TPCN2: variants seen among roughly 807,000 people sequenced by gnomAD.
TPCN2 encodes two pore channel protein 2.
TPCN2 carries 92 observed loss-of-function variants against 111.4 expected under a neutral mutation model. The ratio of observed to expected loss-of-function variants is 0.83; its 90% CI spans 0.70 to 0.98. The LOEUF is 0.98. TPCN2 is among the 50% of genes least tolerant of loss of function. The pLI is 0.00. For missense variants in TPCN2, 995 were observed against 980.1 expected (o/e 1.02, Z -0.20); for synonymous variants, 405 against 414.5 (o/e 0.98, Z 0.28).
chr11:69,086,714 C>A (rs148902179), intron 23 of TPCN2, 110 bp downstream of exon 23: 10,904 of 1,056,234 alleles, frequency 0.01, 90 homozygotes, highest in Non-Finnish European at 0.012. Flanking sequence ...ATGGGAGAGT[C>A]GTGCTGGGTT....
At chr11:69,059,745 G>A (rs1383636271) in intron 5 of TPCN2, among the ~76,000 whole-genome samples, 1 of 152,262 alleles carries the variant, frequency 6.6e-6, no homozygotes, top group Non-Finnish European at 1.5e-5. Context: ...GGCGTTGGAG[G>A]CAGGGCAGGC....
At chr11:69,077,940 T>C (rs778583436) in intron 13 of TPCN2, among the ~76,000 whole-genome samples, 1 of 152,208 alleles carries the variant, frequency 6.6e-6, no homozygotes, top group Non-Finnish European at 1.5e-5. Context: ...GAGAAATGTT[T>C]AGGCCATTCC....
chr11:69,063,829 C>T, intron 6 of TPCN2, 66 bp from the exon 7 acceptor site: 1 of 1,520,730 alleles, frequency 6.6e-7, no homozygotes, highest in Non-Finnish European at 9.0e-7. Flanking sequence ...CCGAGCCCTG[C>T]AGGCAGGTCA....
At position 69,072,983 on chromosome 11, in the gene TPCN2, C is replaced by G. The variant is rs752680069; in HGVS notation, c.1212C>G (p.Asp404Glu). 10 of 1,613,770 alleles carry G rather than the reference C, an allele frequency of 6.2e-6. 1 individual carries two copies. The South Asian group carries it at 7.7e-5, about 12-fold the overall frequency. ...TTCAGAAGCTCTTCAACGAGCTTGA[C>G]AGAAGTGTGGTTAAAGAGGTAACTG... ...EEFQKLFNEL[D>E]RSVVKEHPPR... The change falls in exon 13 of 25, where the codon GAC becomes GAG. Residue 404 changes from aspartate (D) to glutamate (E), a missense_variant. By Grantham distance (45) the Asp-to-Glu change is conservative. Coordinates refer to ENST00000294309, the MANE Select transcript of TPCN2 (RefSeq NM_139075.4).
Position 69,078,434 on chromosome 11 carries a change from G to A in TPCN2, c.1231-48G>A, listed in dbSNP as rs551888169. 5.0e-6 allele frequency: 8 copies of A among 1,606,556 alleles called. No individual in the cohort carries two copies. The African/African-American group carries it at 9.4e-5, about 19-fold the overall frequency. ...GTGTGAGCATTTTTGGGCTGCAACA[G>A]CCACGGCTGCTGGCCTGTGCTTCTG... is the stretch of plus-strand genomic sequence containing the variant. On this transcript the variant is annotated intron_variant, in intron 13 of 24. Coordinates refer to ENST00000294309, the MANE Select transcript of TPCN2 (RefSeq NM_139075.4).
At chr11:69,079,154 G>C (rs1676191894) in intron 16 of TPCN2, 134 bp downstream of exon 16, 2 of 1,225,916 alleles carry the variant, frequency 1.6e-6, no homozygotes, top group Admixed American at 5.2e-5. Flanking sequence ...TCTCAGTGGT[G>C]AGGGCTGGCT....
intron 6 of TPCN2, 122 bp from the exon 7 acceptor site, chr11:69,063,773 G>A (rs1855129670): frequency 4.6e-6 from 4 of 877,890 alleles, no homozygotes; most frequent in African/African-American, 3.3e-5. Context: ...CCCAGCTGCT[G>A]CCTGGATCCA....
chr11:69,061,920 T>C (rs12274641), intron 5 of TPCN2, among the ~76,000 whole-genome samples: 70,279 of 151,526 alleles, frequency 0.46, 16,700 homozygotes, highest in Non-Finnish European at 0.52. Flanking sequence ...GATGGGGATA[T>C]CTGTGAGAGT....
chr11:69,074,534 C>T (rs1855671316), intron 13 of TPCN2, among the ~76,000 whole-genome samples: 1 of 151,916 alleles, frequency 6.6e-6, no homozygotes, highest in South Asian at 2.1e-4. Flanking sequence ...AAGCACCATT[C>T]TAGATAAAGG....
chr11:69,059,428 C>A (rs954609204), intron 5 of TPCN2, among the ~76,000 whole-genome samples: 1 of 152,228 alleles, frequency 6.6e-6, no homozygotes, highest in African/African-American at 2.4e-5. Context: ...GGAAAGCTGG[C>A]CATCCACCTG....
At chr11:69,059,701 G>C (rs1429255076) in intron 5 of TPCN2, among the ~76,000 whole-genome samples, 1 of 152,252 alleles carries the variant, frequency 6.6e-6, no homozygotes. Flanking sequence ...GTGCCCCACA[G>C]TTCATTCCCA....
At position 69,081,448 on chromosome 11, in the gene TPCN2, G is replaced by A. The variant is rs34510004; in HGVS notation, c.1638G>A (p.Met546Ile). 1.0e-3 allele frequency: 1,625 copies of A among 1,575,150 alleles called. 1 individual carries two copies. Among genetic ancestry groups the A allele is most frequent in the Non-Finnish European group, 1.3e-3 (1,516 of 1,160,270 alleles). ...GLLSLWDMTR[M>I]LNMLIVFRFL... ...TGTCGCTGTGGGACATGACCCGCATGCTGAACATGCTCATCGTGTTCCGCT... is the reference window on the plus strand; with the variant it reads ...TGTCGCTGTGGGACATGACCCGCATACTGAACATGCTCATCGTGTTCCGCT... The change falls in exon 18 of 25, where the codon ATG (methionine) becomes ATA (isoleucine). Residue 546 changes from methionine (M) to isoleucine (I), a missense_variant. Physicochemically the swap from Met to Ile is conservative, Grantham distance 10. Coordinates refer to ENST00000294309, the MANE Select transcript of TPCN2 (RefSeq NM_139075.4).
intron 8 of TPCN2, 144 bp downstream of exon 8, chr11:69,067,749 T>C: frequency 3.2e-6 from 2 of 629,982 alleles, no homozygotes; most frequent in Non-Finnish European, 5.4e-6. Context: ...ACATTTTCCT[T>C]CCTCCCCTTC....
At chr11:69,054,539 A>G (rs987192148) in intron 2 of TPCN2, 182 bp from the exon 3 acceptor site, 1 of 623,032 alleles carries the variant, frequency 1.6e-6, no homozygotes, top group Non-Finnish European at 2.9e-6. Flanking sequence ...TGTGTTGGGC[A>G]AACCTCGTGG....
chr11:69,079,875 C>G lies in TPCN2; in HGVS notation c.1581C>G (p.His527Gln). ...ISTLAVYRLPHPGWRPEMVGL... is the reference protein window; with the variant it reads ...ISTLAVYRLPQPGWRPEMVGL... ...CTCTGGCTGTGTACCGATTGCCACA[C>G]CCAGGCTGGTATGTGACTGGGCAGA... Residue 527 changes from histidine (H) to glutamine (Q), a missense_variant, in exon 17 of 25, where the codon CAC (histidine) becomes CAG (glutamine). By Grantham distance (24) the His-to-Gln change is conservative. Coordinates refer to ENST00000294309, the MANE Select transcript of TPCN2 (RefSeq NM_139075.4). 6.2e-7 allele frequency: 1 copy of G among 1,613,748 alleles called. No homozygotes were observed. Among genetic ancestry groups the G allele is most frequent in the Non-Finnish European group, 8.5e-7 (1 of 1,179,920 alleles).
intron 11 of TPCN2, 94 bp from the exon 12 acceptor site, chr11:69,072,533 G>A: frequency 1.5e-6 from 2 of 1,318,154 alleles, no homozygotes; most frequent in Non-Finnish European, 2.1e-6. Flanking sequence ...TCATGGCAAA[G>A]CTCAAGCCAG....
intron 18 of TPCN2, among the ~76,000 whole-genome samples, chr11:69,083,008 G>A (rs984960129): frequency 6.9e-6 from 1 of 145,136 alleles, no homozygotes; most frequent in Non-Finnish European, 1.5e-5. Flanking sequence ...GCATGATCGT[G>A]TGTGCACACA....
In TPCN2 at chr11:69,063,860, G is replaced by A. The variant is rs754270301; in HGVS notation, c.654-35G>A. On this transcript the variant is annotated intron_variant, in intron 6 of 24. Transcript: ENST00000294309. ...GGTCAGGTGTCCCTGCCTGCCCGCCGCCTGGCCCAGGCTGAGTGCCGTGCT... is the reference window on the plus strand; with the variant it reads ...GGTCAGGTGTCCCTGCCTGCCCGCCACCTGGCCCAGGCTGAGTGCCGTGCT... 8 of 1,609,230 alleles carry A rather than the reference G, an allele frequency of 5.0e-6. No homozygotes were observed. In the Admixed American group the frequency reaches 5.0e-5, roughly 10 times the overall value.
intron 1 of TPCN2, among the ~76,000 whole-genome samples, chr11:69,049,647 C>A (rs7128255): frequency 6.6e-6 from 1 of 151,968 alleles, no homozygotes; most frequent in African/African-American, 2.4e-5. Context: ...TTGTAGGGTG[C>A]CTTTCCCCGT....
Sources: gnomAD v4.1 joint callset for allele counts (sites outside exome capture counted in the v4.1 genomes callset) on GRCh38, gnomAD v4.1.1 for gene constraint, MANE v1.5 for transcripts, NCBI Gene and HGNC (gene_info 2026-07-23, HGNC 2026-07-21) for gene names.